PDGFC: variants seen among roughly 807,000 people sequenced by gnomAD.
The protein encoded by PDGFC is platelet derived growth factor C.
Under a neutral mutation model 35.5 loss-of-function variants are expected in PDGFC, and 12 were observed. The ratio of observed to expected loss-of-function variants is 0.34; its 90% confidence interval spans 0.22 to 0.55. PDGFC has a LOEUF of 0.55. Ranked by LOEUF, PDGFC falls within the 20% of genes least tolerant of loss-of-function variation. The pLI is 0.91. For missense variants in PDGFC, 322 were observed against 412.4 expected (o/e 0.78, Z 1.90); for synonymous variants, 159 against 148.8 (o/e 1.07, Z -0.50).
intron 1 of PDGFC, among the ~76,000 whole-genome samples, chr4:156,922,155 AGTGTGTGTGTGTGTGTGT>A (rs3070262): frequency 1.4e-5 from 2 of 145,374 alleles, no homozygotes; most frequent in East Asian, 2.1e-4. Context: ...AAGGATTCAT[AGTGTGTGTGTGTGTGTGT>A]GTGTGTGTGT....
rs147309350 is a variant in PDGFC, at chr4:156,784,735, T to C, written c.496-11842A>G. Among the ~76,000 whole-genome samples the C allele has an allele frequency of 6.9e-3, 1,043 of 152,246 alleles. 15 individuals carry two copies. The highest frequency in any genetic ancestry group is 0.024 in the African/African-American group (1,004 of 41,544). On this transcript the variant is annotated intron_variant, in intron 3 of 5. Coordinates refer to ENST00000502773, the MANE Select transcript of PDGFC (RefSeq NM_016205.3). ...GAGGAGAGTTAATGTCAATTGTAGA[T>C]CAAGACGGGGCAAAAATATTTTTCT... is the stretch of plus-strand genomic sequence containing the variant.
At chr4:156,911,593 G>GA (rs1425998029) in intron 1 of PDGFC, among the ~76,000 whole-genome samples, 6 of 152,042 alleles carry the variant, frequency 3.9e-5, no homozygotes, top group Admixed American at 6.6e-5. Context: ...CTTAAGTGGA[G>GA]AAAAAACCTC....
chr4:156,957,592 T>C (rs1011362285), intron 1 of PDGFC, among the ~76,000 whole-genome samples: 6 of 151,994 alleles, frequency 3.9e-5, no homozygotes, highest in African/African-American at 1.2e-4. Context: ...TTCCTTTTCC[T>C]TCTGACTTTA....
chr4:156,939,193 T>G (rs1217268817), intron 1 of PDGFC, among the ~76,000 whole-genome samples: 1 of 152,128 alleles, frequency 6.6e-6, no homozygotes, highest in Non-Finnish European at 1.5e-5. Flanking sequence ...CTTAATGGTA[T>G]GCCAAGCTCT....
At chr4:156,848,618 G>A (rs1163824626) in intron 2 of PDGFC, among the ~76,000 whole-genome samples, 1 of 151,878 alleles carries the variant, frequency 6.6e-6, no homozygotes, top group Non-Finnish European at 1.5e-5. Context: ...TGAAACATAT[G>A]TTAAATCATA....
chr4:156,835,050 T>C (rs1219043912), intron 2 of PDGFC, among the ~76,000 whole-genome samples: 2 of 152,154 alleles, frequency 1.3e-5, no homozygotes. Flanking sequence ...GGTAAAATGT[T>C]ATATTACTCA....
At chr4:156,826,326 G>C (rs889344447) in intron 2 of PDGFC, among the ~76,000 whole-genome samples, 1 of 135,078 alleles carries the variant, frequency 7.4e-6, no homozygotes, top group Non-Finnish European at 1.5e-5. Flanking sequence ...CTGAGTAGCT[G>C]TGAGTAGCTG....
chr4:156,843,248 T>C (rs1313934006), intron 2 of PDGFC, among the ~76,000 whole-genome samples: 2 of 152,174 alleles, frequency 1.3e-5, no homozygotes, highest in Non-Finnish European at 2.9e-5. Context: ...ACAGTCATCT[T>C]TGAACCAGGA....
intron 1 of PDGFC, among the ~76,000 whole-genome samples, chr4:156,934,007 T>C (rs1387093455): frequency 6.6e-6 from 1 of 152,188 alleles, no homozygotes; most frequent in Non-Finnish European, 1.5e-5. Flanking sequence ...GAAAATGAAC[T>C]AACACATGAC....
intron 1 of PDGFC, among the ~76,000 whole-genome samples, chr4:156,970,217 G>T (rs909438664): frequency 6.6e-6 from 1 of 152,152 alleles, no homozygotes; most frequent in Non-Finnish European, 1.5e-5. Context: ...AAGGACTTCA[G>T]AGTACAAAGG....
chr4:156,902,296 C>G (rs1051739452), intron 1 of PDGFC, among the ~76,000 whole-genome samples: 12 of 152,008 alleles, frequency 7.9e-5, no homozygotes, highest in African/African-American at 2.9e-4. Flanking sequence ...TATCTACTAC[C>G]CAGATTTAAT....
At position 156,763,254 on chromosome 4, in the gene PDGFC, A is replaced by G. The variant is rs755692616; in HGVS notation, c.922-48T>C. On this transcript the variant is annotated intron_variant, in intron 5 of 5. Coordinates refer to ENST00000502773, the MANE Select transcript of PDGFC (RefSeq NM_016205.3). Reference sequence around the variant, plus strand: ...CACTTTTAAAAATCAACGAATGTCTATGACTGGCTTTTATAAACAAGTAAC... The same window carrying G: ...CACTTTTAAAAATCAACGAATGTCTGTGACTGGCTTTTATAAACAAGTAAC... 7.8e-6 allele frequency: 7 copies of G among 896,548 alleles called. No individual in the cohort carries two copies. The African/African-American group carries it at 8.2e-5, about 10-fold the overall frequency. 55.5% of individuals were successfully genotyped at this position (896,548 alleles called of 1,614,324 possible). A position where few individuals can be genotyped will look rare whatever the true frequency, so the allele number is the denominator to read the frequency against.
chr4:156,763,229 C>T, intron 5 of PDGFC, 23 bp from the exon 6 acceptor site: 1 of 1,242,604 alleles, frequency 8.0e-7, no homozygotes, highest in Non-Finnish European at 1.2e-6. Flanking sequence ...AAGAGTAAGC[C>T]ACTTTTAAAA....
intron 1 of PDGFC, among the ~76,000 whole-genome samples, chr4:156,945,294 T>A (rs1731911233): frequency 6.9e-6 from 1 of 145,066 alleles, no homozygotes; most frequent in Non-Finnish European, 1.5e-5. Flanking sequence ...TTTATAGACA[T>A]CTCTTAATAT....
chr4:156,767,715 G>A, intron 5 of PDGFC, 58 bp downstream of exon 5: 2 of 1,068,192 alleles, frequency 1.9e-6, no homozygotes, highest in Non-Finnish European at 2.9e-6. Flanking sequence ...CAGATTCACT[G>A]TTTTGTTCTA....
intron 1 of PDGFC, among the ~76,000 whole-genome samples, chr4:156,910,328 T>C (rs1731009703): frequency 6.6e-6 from 1 of 152,202 alleles, no homozygotes; most frequent in Admixed American, 6.5e-5. Context: ...TAGTACAATG[T>C]CATTACATTA....
intron 3 of PDGFC, among the ~76,000 whole-genome samples, chr4:156,780,537 T>C (rs1015098562): frequency 2.6e-5 from 4 of 152,180 alleles, no homozygotes; most frequent in African/African-American, 9.7e-5. Context: ...GCTATATTGG[T>C]AGACATTGTC....
At position 156,889,038 on chromosome 4, in the gene PDGFC, G is replaced by A. The variant is rs1210558969; in HGVS notation, c.119-38622C>T. ...AATTCTGAGACAACAAACACGTCGT[G>A]TGTCTACTACCACGTGCTGAAGAAT... On this transcript the variant is annotated intron_variant, in intron 1 of 5. Transcript: ENST00000502773. Among the ~76,000 whole-genome samples the A allele has an allele frequency of 2.0e-5, 3 of 152,124 alleles. No individual in the cohort carries two copies. The East Asian group carries it at 5.8e-4, about 29-fold the overall frequency.
chr4:156,771,684 G>C (rs1164360804), intron 4 of PDGFC, among the ~76,000 whole-genome samples: 1 of 152,138 alleles, frequency 6.6e-6, no homozygotes, highest in Non-Finnish European at 1.5e-5. Context: ...AGCAGGAAAG[G>C]GCAGGAATCG....
Sources: allele counts gnomAD v4.1 joint callset (sites outside exome capture counted in the v4.1 genomes callset), GRCh38; gene constraint gnomAD v4.1.1; transcripts MANE v1.5; gene names NCBI Gene and HGNC (gene_info 2026-07-23, HGNC 2026-07-21).